The following PXYLP1 variants were observed in gnomAD, a reference collection of about 807,000 sequenced individuals.
PXYLP1 encodes the protein 2-phosphoxylose phosphatase 1, also known as acid phosphatase-like 2.
PXYLP1 carries 17 observed loss-of-function variants against 37.9 expected under a neutral mutation model. That is an observed-to-expected ratio of 0.45 (90% CI 0.31 to 0.67). The LOEUF is 0.67. Among genes scored for constraint, PXYLP1 ranks in the 30% least tolerant of loss-of-function variants. The pLI, the probability that PXYLP1 is intolerant of heterozygous loss-of-function variation, is 0.07. For synonymous variants in PXYLP1, 221 were observed against 232.2 expected (o/e 0.95, Z 0.44); for missense variants, 511 against 612.0 (o/e 0.84, Z 1.74).
rs3732865 is a variant in PXYLP1, at chr3:141,291,947, T to C, written c.506-321T>C. 1.7e-3 allele frequency among the ~76,000 whole-genome samples: 262 copies of C among 152,326 alleles called. 6 individuals are homozygous for C. The East Asian group carries it at 0.047, about 27-fold the overall frequency. On this transcript the variant is annotated intron_variant, in intron 5 of 5. Coordinates refer to ENST00000286353, the MANE Select transcript of PXYLP1 (RefSeq NM_001037172.3). ...TACAGATATCCCCTGGCTGGGTGACTTCGAACCCTGAGACCAACCAGTCAC... is the reference window on the plus strand; with the variant it reads ...TACAGATATCCCCTGGCTGGGTGACCTCGAACCCTGAGACCAACCAGTCAC...
chr3:141,274,595 G>C, intron 2 of PXYLP1: 1 of 881,746 alleles, frequency 1.1e-6, no homozygotes, highest in East Asian at 2.6e-5. Flanking sequence ...TCAAAAGCAT[G>C]GAGCACAGCG....
chr3:141,273,892 G>T, intron 2 of PXYLP1: 1 of 985,284 alleles, frequency 1.0e-6, no homozygotes, highest in African/African-American at 1.7e-5. Flanking sequence ...GTTGGTCCTG[G>T]TGGCACAGTG....
At chr3:141,263,903 C>T (rs971668109) in intron 2 of PXYLP1, among the ~76,000 whole-genome samples, 3 of 152,222 alleles carry the variant, frequency 2.0e-5, no homozygotes, top group East Asian at 1.9e-4. Context: ...CGCAGAGTTC[C>T]GTCATAGTGC....
chr3:141,256,206 T>G (rs1287608712), intron 1 of PXYLP1, among the ~76,000 whole-genome samples: 3 of 152,188 alleles, frequency 2.0e-5, no homozygotes, highest in African/African-American at 7.2e-5. Flanking sequence ...ACATATCTGC[T>G]CGACCGCAGG....
chr3:141,248,512 T>TATAC (rs1398070744), intron 1 of PXYLP1, among the ~76,000 whole-genome samples: 20 of 102,170 alleles, frequency 2.0e-4, no homozygotes, highest in Admixed American at 7.2e-4. Context: ...TATATATATA[T>TATAC]ACACACACAC....
At chr3:141,282,332 G>A (rs1941973832) in intron 4 of PXYLP1, among the ~76,000 whole-genome samples, 1 of 152,122 alleles carries the variant, frequency 6.6e-6, no homozygotes, top group Non-Finnish European at 1.5e-5. Flanking sequence ...CCTCCTTTAA[G>A]TCTTTGCTCA....
intron 2 of PXYLP1, among the ~76,000 whole-genome samples, chr3:141,270,379 A>C (rs1941632217): frequency 6.6e-6 from 1 of 152,246 alleles, no homozygotes; most frequent in Non-Finnish European, 1.5e-5. Context: ...CTTTAAAAGC[A>C]GACGATGAGA....
intron 2 of PXYLP1, among the ~76,000 whole-genome samples, chr3:141,268,272 G>A (rs547582387): frequency 4.7e-5 from 7 of 147,950 alleles, no homozygotes; most frequent in East Asian, 2.0e-4. Context: ...ATACTATCAC[G>A]GCTAGTTAGT....
chr3:141,244,873 G>A (rs146939072), intron 1 of PXYLP1, among the ~76,000 whole-genome samples: 2 of 151,842 alleles, frequency 1.3e-5, no homozygotes, highest in Non-Finnish European at 2.9e-5. Context: ...AGATGTGCAT[G>A]TTTATTGTTT....
At chr3:141,254,113 G>C (rs918023376) in intron 1 of PXYLP1, among the ~76,000 whole-genome samples, 1 of 152,016 alleles carries the variant, frequency 6.6e-6, no homozygotes, top group Non-Finnish European at 1.5e-5. Context: ...TGGTTTCGCT[G>C]TGTTGGCCAG....
intron 1 of PXYLP1, among the ~76,000 whole-genome samples, chr3:141,247,183 G>C (rs763880799): frequency 2.6e-5 from 4 of 152,246 alleles, no homozygotes; most frequent in Non-Finnish European, 5.9e-5. Context: ...CTCTTCTGTG[G>C]GGCTGAGAGA....
intron 2 of PXYLP1, 135 bp from the exon 3 acceptor site, chr3:141,278,207 C>G: frequency 1.0e-6 from 1 of 1,004,566 alleles, no homozygotes; most frequent in Non-Finnish European, 1.5e-6. Context: ...AAGCTGACTT[C>G]TGCTCCACTG....
chr3:141,238,202 G>A (rs945550859), intron 1 of PXYLP1, among the ~76,000 whole-genome samples: 5 of 152,312 alleles, frequency 3.3e-5, no homozygotes, highest in South Asian at 2.1e-4. Flanking sequence ...TGTGTCTGCC[G>A]TAGCTAGAAA....
intron 5 of PXYLP1, among the ~76,000 whole-genome samples, chr3:141,291,404 T>C (rs1942200966): frequency 6.6e-6 from 1 of 152,190 alleles, no homozygotes; most frequent in Non-Finnish European, 1.5e-5. Flanking sequence ...ACTAAAACAG[T>C]ACTAAGAAGT....
intron 3 of PXYLP1, among the ~76,000 whole-genome samples, chr3:141,279,067 T>C (rs1446544738): frequency 6.6e-6 from 1 of 152,240 alleles, no homozygotes; most frequent in Non-Finnish European, 1.5e-5. Flanking sequence ...CTCCCTGGTC[T>C]GTGCATGTGA....
In PXYLP1 at chr3:141,287,422, A is replaced by G. The variant is rs1203415152; in HGVS notation, c.474A>G (p.Pro158=). Residue 158 remains proline, a synonymous_variant, in exon 5 of 6, where the codon CCA becomes CCG. Transcript: ENST00000286353. ...CCTTGCCTCTTTACCCAAATCACCC[A>G]TTGTGTGAGATGGGAGAGCTCACAC... ...LNSLPLYPNH[P]LCEMGELTQT... 1 of 1,614,042 alleles carries G rather than the reference A, an allele frequency of 6.2e-7. No individual in the cohort carries two copies. Among genetic ancestry groups the G allele is most frequent in the Non-Finnish European group, 8.5e-7 (1 of 1,180,008 alleles).
At chr3:141,282,803 C>T (rs890420579) in intron 4 of PXYLP1, among the ~76,000 whole-genome samples, 7 of 152,262 alleles carry the variant, frequency 4.6e-5, no homozygotes, top group African/African-American at 1.4e-4. Context: ...AAGGCAGGCC[C>T]GATGGGGCCC....
At chr3:141,270,275 C>T (rs1941628266) in intron 2 of PXYLP1, among the ~76,000 whole-genome samples, 1 of 152,254 alleles carries the variant, frequency 6.6e-6, no homozygotes, top group African/African-American at 2.4e-5. Flanking sequence ...ACTGTTTGAT[C>T]AATCTCATTT....
rs762661052 is a variant in PXYLP1, at chr3:141,278,389, A to G, written c.127A>G (p.Ser43Gly). The G allele has an allele frequency of 1.1e-5, 18 of 1,614,184 alleles. No individual in the cohort carries two copies. Among genetic ancestry groups the G allele is most frequent in the Non-Finnish European group, 1.5e-5 (18 of 1,180,018 alleles). The change falls in exon 3 of 6, where the codon AGT becomes GGT. Residue 43 changes from serine (S) to glycine (G), a missense_variant. Ser to Gly is a moderately conservative substitution (Grantham distance 56). Coordinates refer to ENST00000286353, the MANE Select transcript of PXYLP1 (RefSeq NM_001037172.3). Reference sequence around the variant, plus strand: ...TCCTAAGAATGGAATGAGTAGCAAGAGTCGAAAGAGAATCATGCCCGACCC... The same window carrying G: ...TCCTAAGAATGGAATGAGTAGCAAGGGTCGAAAGAGAATCATGCCCGACCC... ...STPKNGMSSK[S>G]RKRIMPDPVT...
Sources: gnomAD v4.1 joint callset for allele counts (sites outside exome capture counted in the v4.1 genomes callset) on GRCh38, gnomAD v4.1.1 for gene constraint, MANE v1.5 for transcripts, NCBI Gene and HGNC (gene_info 2026-07-23, HGNC 2026-07-21) for gene names.